SYT13: variants seen among roughly 807,000 people sequenced by gnomAD.
The protein encoded by SYT13 is synaptotagmin 13.
SYT13 carries 21 observed loss-of-function variants against 38.6 expected under a neutral mutation model. That is an observed-to-expected ratio of 0.54 (90% CI 0.39 to 0.78). The LOEUF (loss-of-function observed/expected upper bound fraction) is 0.78, where lower values mean the gene tolerates loss of function less well. Ranked by LOEUF, SYT13 falls within the 30% of genes least tolerant of loss-of-function variation. The pLI, the probability that SYT13 is intolerant of heterozygous loss-of-function variation, is 0.00. For synonymous variants in SYT13, 241 were observed against 237.6 expected (o/e 1.01, Z -0.13); for missense variants, 495 against 548.7 (o/e 0.90, Z 0.98).
At chr11:45,268,960 G>A (rs937756982) in intron 1 of SYT13, among the ~76,000 whole-genome samples, 1 of 152,196 alleles carries the variant, frequency 6.6e-6, no homozygotes. Context: ...AGGGAGTGGG[G>A]AGGAGGGGGA....
intron 1 of SYT13, among the ~76,000 whole-genome samples, chr11:45,258,839 C>A (rs770402897): frequency 6.6e-6 from 1 of 152,162 alleles, no homozygotes; most frequent in Non-Finnish European, 1.5e-5. Context: ...GGAGGAGACA[C>A]ACAGAGCGAT....
intron 1 of SYT13, chr11:45,258,306 A>T (rs1437042878): frequency 2.0e-5 from 3 of 152,206 alleles, no homozygotes; most frequent in Non-Finnish European, 4.4e-5. Context: ...TGATTTACAA[A>T]ATCAGGTCCC....
At chr11:45,244,528 G>A (rs1355789250) in intron 5 of SYT13, among the ~76,000 whole-genome samples, 172 bp from the exon 6 acceptor site, 1 of 152,096 alleles carries the variant, frequency 6.6e-6, no homozygotes, top group Admixed American at 6.5e-5. Context: ...TTTTCCTTCT[G>A]GATACCCCAG....
chr11:45,269,387 C>G (rs1854922521), intron 1 of SYT13: 2 of 1,110,326 alleles, frequency 1.8e-6, no homozygotes, highest in Admixed American at 9.3e-5. Flanking sequence ...ACTGGAAACC[C>G]CAAGATGGCA....
intron 4 of SYT13, among the ~76,000 whole-genome samples, chr11:45,247,087 A>G (rs1854622848): frequency 6.6e-6 from 1 of 152,254 alleles, no homozygotes; most frequent in Non-Finnish European, 1.5e-5. Context: ...GCAACTGGCA[A>G]TAACCACACC....
chr11:45,270,745 C>T (rs1854939458), intron 1 of SYT13, among the ~76,000 whole-genome samples: 1 of 152,050 alleles, frequency 6.6e-6, no homozygotes, highest in Non-Finnish European at 1.5e-5. Flanking sequence ...TGCAGGGAAC[C>T]ACTAATCTAA....
chr11:45,244,779 G>C (rs982260620), intron 5 of SYT13, among the ~76,000 whole-genome samples: 3 of 152,210 alleles, frequency 2.0e-5, no homozygotes, highest in Non-Finnish European at 4.4e-5. Context: ...CCATAGAACT[G>C]ACACTAAAGT....
At chr11:45,277,896 T>C (rs1461472096) in intron 1 of SYT13, among the ~76,000 whole-genome samples, 1 of 152,232 alleles carries the variant, frequency 6.6e-6, no homozygotes, top group Non-Finnish European at 1.5e-5. Context: ...AAACTCTGGT[T>C]TGCCCCATTA....
chr11:45,246,471 G>A lies in SYT13; in HGVS notation c.888C>T (p.Ser296=). ...GGAGGCGGTTGGCAGCCGGGAGGTA[G>A]CTGATGGATAGTAGGACCTCTCCAG... The part of the protein sequence containing the change: ...AGAGEVLLSI[S]YLPAANRLLV... Residue 296 remains serine (S), a synonymous_variant, in exon 5 of 6, where the codon AGC becomes AGT. Coordinates refer to ENST00000020926, the MANE Select transcript of SYT13 (RefSeq NM_020826.3). 2 of 1,614,162 alleles carry A rather than the reference G, an allele frequency of 1.2e-6. No individual in the cohort carries two copies. Among genetic ancestry groups the A allele is most frequent in the East Asian group, 2.2e-5 (1 of 44,876 alleles).
chr11:45,254,950 C>CA (rs35881904), intron 2 of SYT13, among the ~76,000 whole-genome samples: 1 of 151,656 alleles, frequency 6.6e-6, no homozygotes, highest in African/African-American at 2.4e-5. Flanking sequence ...CTCATGTCTA[C>CA]AAAAAATAAG....
intron 2 of SYT13, 173 bp from the exon 3 acceptor site, chr11:45,254,577 A>T (rs1356000546): frequency 1.3e-6 from 1 of 780,738 alleles, no homozygotes; most frequent in Non-Finnish European, 1.9e-6. Flanking sequence ...GTCACAGCCC[A>T]TTAGGCTGCA....
At chr11:45,257,688 G>T (rs760020256) in intron 1 of SYT13, among the ~76,000 whole-genome samples, 2 of 152,168 alleles carry the variant, frequency 1.3e-5, no homozygotes, top group African/African-American at 4.8e-5. Context: ...TGCCCTGGTT[G>T]AGACTCTGTC....
At chr11:45,260,710 G>A (rs189255528) in intron 1 of SYT13, among the ~76,000 whole-genome samples, 33 of 152,288 alleles carry the variant, frequency 2.2e-4, no homozygotes, top group Admixed American at 1.9e-3. Flanking sequence ...AGCTGTTCTT[G>A]GCATTGCATG....
chr11:45,263,156 G>T (rs1345732921), intron 1 of SYT13, among the ~76,000 whole-genome samples: 5 of 152,202 alleles, frequency 3.3e-5, no homozygotes, highest in African/African-American at 4.8e-5. Context: ...GATGGCACGG[G>T]GGGTGGAACC....
chr11:45,272,958 C>T (rs549366283), intron 1 of SYT13, among the ~76,000 whole-genome samples: 55 of 152,350 alleles, frequency 3.6e-4, no homozygotes, highest in African/African-American at 1.2e-3. Context: ...CATTGGCACA[C>T]TTCCTCTGAC....
chr11:45,271,682 A>G (rs1242867321), intron 1 of SYT13, among the ~76,000 whole-genome samples: 1 of 152,196 alleles, frequency 6.6e-6, no homozygotes, highest in Non-Finnish European at 1.5e-5. Context: ...AGTAAATGAA[A>G]CCAGCAGGTT....
chr11:45,281,851 C>T (rs1047475014), intron 1 of SYT13, among the ~76,000 whole-genome samples: 36 of 152,144 alleles, frequency 2.4e-4, no homozygotes, highest in South Asian at 2.1e-4. Flanking sequence ...GAAAACTAGG[C>T]CATGAAAAAG....
intron 1 of SYT13, among the ~76,000 whole-genome samples, chr11:45,262,116 T>TA (rs769418959): frequency 3.0e-4 from 46 of 152,298 alleles, no homozygotes; most frequent in Non-Finnish European, 4.3e-4. Flanking sequence ...TATATCTATA[T>TA]AACGGAGTAT....
intron 5 of SYT13, among the ~76,000 whole-genome samples, chr11:45,245,223 G>A (rs991010384): frequency 2.0e-5 from 3 of 152,188 alleles, no homozygotes; most frequent in African/African-American, 7.2e-5. Context: ...GTCACCAGGC[G>A]AGCTTTCATG....
Sources: allele counts gnomAD v4.1 joint callset (sites outside exome capture counted in the v4.1 genomes callset), GRCh38; gene constraint gnomAD v4.1.1; transcripts MANE v1.5; gene names NCBI Gene and HGNC (gene_info 2026-07-23, HGNC 2026-07-21).